The following DPP10 variants were observed in gnomAD, a reference collection of about 807,000 sequenced individuals.
DPP10 encodes the protein inactive dipeptidyl peptidase 10.
DPP10 carries 33 observed loss-of-function variants against 120.9 expected under a neutral mutation model. The observed-to-expected ratio is 0.27, with a 90% CI of 0.21 to 0.37. DPP10 has a LOEUF of 0.37. Among genes scored for constraint, DPP10 ranks in the 10% least tolerant of loss-of-function variants. The pLI is 1.00. For missense variants in DPP10, 816 were observed against 942.8 expected, an observed-to-expected ratio of 0.87 and a Z score of 1.76; for synonymous variants, 337 against 326.1, an observed-to-expected ratio of 1.03 and a Z score of -0.36.
At chr2:114,633,446 G>A (rs1402050600) in intron 1 of DPP10, among the ~76,000 whole-genome samples, 2 of 150,128 alleles carry the variant, frequency 1.3e-5, no homozygotes, top group Non-Finnish European at 3.0e-5. Flanking sequence ...GTAGAGACAG[G>A]GTTTCTCCAT....
At chr2:114,889,172 C>A (rs924171275) in intron 1 of DPP10, among the ~76,000 whole-genome samples, 1 of 152,160 alleles carries the variant, frequency 6.6e-6, no homozygotes, top group African/African-American at 2.4e-5. Context: ...GGACTTCTAG[C>A]CTCCAGAACT....
chr2:114,532,128 AT>A (rs1312233964), intron 1 of DPP10, among the ~76,000 whole-genome samples: 1 of 151,064 alleles, frequency 6.6e-6, no homozygotes, highest in Non-Finnish European at 1.5e-5. Flanking sequence ...ATTTCTCTCA[AT>A]TCTCAGGCCT....
chr2:114,573,074 C>T (rs938056323), intron 1 of DPP10, among the ~76,000 whole-genome samples: 18 of 152,176 alleles, frequency 1.2e-4, no homozygotes, highest in African/African-American at 3.9e-4. Context: ...GACTTCACCT[C>T]CTGGGTCTAA....
chr2:114,586,694 C>A (rs1173593868), intron 1 of DPP10, among the ~76,000 whole-genome samples: 2 of 152,070 alleles, frequency 1.3e-5, no homozygotes, highest in Non-Finnish European at 2.9e-5. Flanking sequence ...GGAGGTGGGG[C>A]CTGGTGAGAG....
chr2:115,361,597 T>A (rs1174697336), intron 3 of DPP10, among the ~76,000 whole-genome samples: 1 of 152,096 alleles, frequency 6.6e-6, no homozygotes, highest in Non-Finnish European at 1.5e-5. Context: ...TCCAAGCAGT[T>A]CCCCTGCCGA....
intron 1 of DPP10, among the ~76,000 whole-genome samples, chr2:115,048,391 C>G (rs1705221111): frequency 6.6e-6 from 1 of 152,074 alleles, no homozygotes; most frequent in Non-Finnish European, 1.5e-5. Flanking sequence ...CATTGTTAAT[C>G]TATAACTTAG....
chr2:115,190,036 C>T (rs555827307), intron 1 of DPP10, among the ~76,000 whole-genome samples: 10 of 152,218 alleles, frequency 6.6e-5, no homozygotes, highest in Non-Finnish European at 1.3e-4. Context: ...AGGTAAACTC[C>T]TCCGCTTTCT....
At chr2:115,755,195 T>C (rs1404310144) in intron 11 of DPP10, among the ~76,000 whole-genome samples, 2 of 152,066 alleles carry the variant, frequency 1.3e-5, no homozygotes, top group Non-Finnish European at 2.9e-5. Flanking sequence ...ATTTATACAA[T>C]AACAAAGTTA....
chr2:114,876,072 T>C (rs1300243363), intron 1 of DPP10, among the ~76,000 whole-genome samples: 4 of 152,028 alleles, frequency 2.6e-5, no homozygotes, highest in African/African-American at 9.7e-5. Flanking sequence ...GTTCAAATAT[T>C]TGACAAGCAC....
At chr2:114,669,515 C>T (rs1698176286) in intron 1 of DPP10, among the ~76,000 whole-genome samples, 1 of 152,082 alleles carries the variant, frequency 6.6e-6, no homozygotes, top group South Asian at 2.1e-4. Flanking sequence ...CTCTTTCTTT[C>T]TCACTACAGA....
At chr2:115,124,947 C>T (rs561525421) in intron 1 of DPP10, among the ~76,000 whole-genome samples, 2 of 152,274 alleles carry the variant, frequency 1.3e-5, no homozygotes, top group South Asian at 2.1e-4. Context: ...GCCAGGGACA[C>T]CTTAGAGATA....
At chr2:114,976,962 C>T (rs904907301) in intron 1 of DPP10, among the ~76,000 whole-genome samples, 6 of 152,212 alleles carry the variant, frequency 3.9e-5, no homozygotes, top group South Asian at 4.1e-4. Flanking sequence ...TTTGTTCTCT[C>T]GGTCTTTTTC....
chr2:115,163,126 A>G (rs185355547), intron 1 of DPP10, among the ~76,000 whole-genome samples: 2 of 152,216 alleles, frequency 1.3e-5, no homozygotes, highest in Non-Finnish European at 2.9e-5. Context: ...CTCCCAGCTT[A>G]TTGCTAGCGT....
At chr2:115,450,749 ACT>A (rs779223108) in intron 3 of DPP10, among the ~76,000 whole-genome samples, 4 of 151,716 alleles carry the variant, frequency 2.6e-5, no homozygotes, top group Non-Finnish European at 4.4e-5. Context: ...CCATTTTTTG[ACT>A]CTGAATGTTC....
At chr2:114,443,645 G>A (rs957226025) in intron 1 of DPP10, among the ~76,000 whole-genome samples, 47 of 150,674 alleles carry the variant, frequency 3.1e-4, no homozygotes, top group African/African-American at 1.1e-3. Flanking sequence ...TATTATCTAT[G>A]TGGATATTTT....
chr2:115,557,987 C>T (rs946995089), intron 5 of DPP10, among the ~76,000 whole-genome samples: 3 of 152,164 alleles, frequency 2.0e-5, no homozygotes, highest in Non-Finnish European at 4.4e-5. Context: ...CTTTCCTTAT[C>T]ATCTCTGGGA....
intron 1 of DPP10, among the ~76,000 whole-genome samples, chr2:115,306,820 T>C (rs144383176): frequency 0.017 from 2,518 of 152,232 alleles, 34 homozygotes; most frequent in Middle Eastern, 0.027. Context: ...TTGGAAAATA[T>C]ACATTTATTT....
chr2:115,490,418 G>A (rs866040765), intron 3 of DPP10, among the ~76,000 whole-genome samples: 2 of 151,770 alleles, frequency 1.3e-5, no homozygotes, highest in Non-Finnish European at 2.9e-5. Context: ...CTCCTACCGG[G>A]TCCCCTGACA....
intron 1 of DPP10, among the ~76,000 whole-genome samples, chr2:115,034,435 T>G (rs1704077898): frequency 1.3e-5 from 2 of 152,164 alleles, no homozygotes. Flanking sequence ...ATGGGATTCG[T>G]ATTACAAACA....
Sources: allele counts gnomAD v4.1 joint callset (sites outside exome capture counted in the v4.1 genomes callset), GRCh38; gene constraint gnomAD v4.1.1; transcripts MANE v1.5; gene names NCBI Gene and HGNC (gene_info 2026-07-23, HGNC 2026-07-21).